Variants in EIF4E3 observed in about 807,000 individuals in gnomAD.
EIF4E3 encodes the protein eukaryotic translation initiation factor 4E family member 3, also known as eukaryotic translation initiation factor 4E type 3.
In EIF4E3, 26 loss-of-function variants were observed where a neutral mutation model predicts 31.7. That is an observed-to-expected ratio of 0.82 (90% confidence interval 0.60 to 1.14). EIF4E3 has a LOEUF of 1.14. Among genes scored for constraint, EIF4E3 ranks in the 50% most tolerant of loss-of-function variants. The pLI, the probability that EIF4E3 is intolerant of heterozygous loss-of-function variation, is 0.00. For synonymous variants in EIF4E3, 128 were observed against 107.7 expected, an observed-to-expected ratio of 1.19 and a Z score of -1.17; for missense variants, 304 against 270.9, an observed-to-expected ratio of 1.12 and a Z score of -0.86.
chr3:71,753,891 G>T (rs1056915762), upstream of EIF4E3, among the ~76,000 whole-genome samples: 1 of 148,390 alleles, frequency 6.7e-6, no homozygotes, highest in African/African-American at 2.4e-5. Flanking sequence ...GCGGCGGCTC[G>T]GGGAGCCCAG....
intron 1 of EIF4E3, among the ~76,000 whole-genome samples, chr3:71,745,086 C>G (rs911161820): frequency 9.2e-5 from 14 of 152,314 alleles, no homozygotes; most frequent in Middle Eastern, 6.8e-3. Context: ...GAGAATCGAA[C>G]CCAAGTCATA....
chr3:71,696,505 A>C lies in EIF4E3; in HGVS notation c.360T>G (p.Asn120Lys), dbSNP rs1264542674. 6.2e-7 allele frequency: 1 copy of C among 1,614,126 alleles called. No homozygotes were observed. The highest frequency in any genetic ancestry group is 8.5e-7 in the Non-Finnish European group (1 of 1,180,022). The change falls in exon 4 of 7, where the codon AAT becomes AAG. Residue 120 changes from asparagine (N) to lysine (K), a missense_variant. By Grantham distance (94) the Asn-to-Lys change is moderately conservative. Coordinates refer to ENST00000425534, the MANE Select transcript of EIF4E3 (RefSeq NM_001134651.2). ...TCATCTTCCATACGCCACCCTTTGC[A>C]TTACTCTCCTCTTCCCTGGGCCAAA... ...ERRPLWEEESNAKGGVWKMKV... is the reference protein window; with the variant it reads ...ERRPLWEEESKAKGGVWKMKV...
chr3:71,724,897 A>G (rs565204779), intron 1 of EIF4E3, among the ~76,000 whole-genome samples: 1 of 152,228 alleles, frequency 6.6e-6, no homozygotes, highest in East Asian at 1.9e-4. Context: ...CCCTGCCAGC[A>G]CGCCGCGTTC....
Position 71,734,248 on chromosome 3 carries a change from G to A in EIF4E3, c.-290-5625C>T, listed in dbSNP as rs146560382. Among the ~76,000 whole-genome samples the A allele has an allele frequency of 1.1e-3, 160 of 152,312 alleles. 2 individuals carry two copies. In the East Asian group the frequency reaches 0.024, roughly 23 times the overall value. ...ATTACAAAAGAGGAGCTCTCATGGA[G>A]GCTATGATGAACATGGTATCCCTCA... On this transcript the variant is annotated intron_variant, in intron 1 of 7. Coordinates refer to the EIF4E3 transcript ENST00000295612.
intron 1 of EIF4E3, among the ~76,000 whole-genome samples, chr3:71,752,380 T>C (rs1267647479): frequency 6.6e-6 from 1 of 152,186 alleles, no homozygotes; most frequent in Non-Finnish European, 1.5e-5. Context: ...CACCTAGTCA[T>C]GTCGCTCCCC....
At chr3:71,702,900 C>T (rs2049238099) in intron 2 of EIF4E3, among the ~76,000 whole-genome samples, 1 of 152,146 alleles carries the variant, frequency 6.6e-6, no homozygotes, top group Admixed American at 6.5e-5. Context: ...GAAAGGTCTG[C>T]TACAGCGGAA....
intron 5 of EIF4E3, among the ~76,000 whole-genome samples, chr3:71,693,654 A>G (rs2049093661): frequency 6.6e-6 from 1 of 152,244 alleles, no homozygotes; most frequent in South Asian, 2.1e-4. Context: ...ACATACATAT[A>G]TAAATATGCA....
intron 1 of EIF4E3, among the ~76,000 whole-genome samples, chr3:71,743,037 C>A (rs2049835444): frequency 6.6e-6 from 1 of 152,160 alleles, no homozygotes; most frequent in African/African-American, 2.4e-5. Context: ...TAGCTAACAT[C>A]ACGCTTAATG....
chr3:71,665,246 T>G, the EIF4E3 span, among the ~76,000 whole-genome samples: 1 of 152,192 alleles, frequency 6.6e-6, no homozygotes, highest in Non-Finnish European at 1.5e-5. Flanking sequence ...GCTCTGAAAA[T>G]ACTTTAGTAC....
At chr3:71,667,453 G>C in the EIF4E3 span, among the ~76,000 whole-genome samples, 1 of 152,176 alleles carries the variant, frequency 6.6e-6, no homozygotes, top group Admixed American at 6.5e-5. Context: ...AAGAGAAGAA[G>C]TCAAATTATC....
intron 1 of EIF4E3, among the ~76,000 whole-genome samples, chr3:71,723,066 C>T (rs1280120694): frequency 6.6e-6 from 1 of 152,138 alleles, no homozygotes; most frequent in African/African-American, 2.4e-5. Context: ...TAGCAAGAGG[C>T]CTTTGCATGC....
intron 6 of EIF4E3, among the ~76,000 whole-genome samples, chr3:71,686,145 C>T (rs1034811141): frequency 1.3e-5 from 2 of 152,054 alleles, no homozygotes; most frequent in Admixed American, 1.3e-4. Flanking sequence ...GCCACCATGC[C>T]CGGCTAACTT....
chr3:71,679,282 A>G lies in EIF4E3; in HGVS notation c.*5400T>C, dbSNP rs544294143. The G allele has an allele frequency of 2.0e-5, 3 of 152,216 alleles. No homozygotes were observed. The highest frequency in any genetic ancestry group is 2.9e-5 in the Non-Finnish European group (2 of 68,028). 9.4% of individuals were successfully genotyped at this position (152,216 alleles called of 1,614,324 possible). A position where few individuals can be genotyped will look rare whatever the true frequency, so the allele number is the denominator to read the frequency against. On this transcript the variant is annotated 3_prime_UTR_variant, in exon 7 of 7. Coordinates refer to ENST00000425534, the MANE Select transcript of EIF4E3 (RefSeq NM_001134651.2). ...TTCTATAGAAAACTCAGAAACACTC[A>G]ATTTACTTCATGTTCAGTTCTATAA...
chr3:71,742,972 A>G (rs935501032), intron 1 of EIF4E3, among the ~76,000 whole-genome samples: 4 of 152,182 alleles, frequency 2.6e-5, no homozygotes, highest in African/African-American at 9.6e-5. Flanking sequence ...AAAACCTCTC[A>G]GCAAAGTAGG....
intron 1 of EIF4E3, among the ~76,000 whole-genome samples, chr3:71,750,747 C>T (rs2049918528): frequency 6.6e-6 from 1 of 150,702 alleles, no homozygotes; most frequent in African/African-American, 2.4e-5. Flanking sequence ...TAGGGAGACC[C>T]CATCTCTACA....
At chr3:71,674,114 T>C (rs1359656918), downstream of EIF4E3, among the ~76,000 whole-genome samples, 18 of 131,824 alleles carry the variant, frequency 1.4e-4, no homozygotes, top group East Asian at 3.2e-3. Context: ...TTTTTTTTTT[T>C]TTTTTTTTTT....
intron 6 of EIF4E3, among the ~76,000 whole-genome samples, chr3:71,689,368 T>C (rs1209176536): frequency 6.6e-6 from 1 of 152,206 alleles, no homozygotes; most frequent in African/African-American, 2.4e-5. Context: ...TTAATAGCAC[T>C]AAGATGTTTT....
At chr3:71,728,411 C>T (rs1303392399), upstream of EIF4E3, 1 of 152,600 alleles carries the variant, frequency 6.6e-6, no homozygotes, top group Non-Finnish European at 1.5e-5. Context: ...ATTCAGCGAT[C>T]ATCTAAGCAA....
At chr3:71,732,110 G>A (rs550050439) in intron 1 of EIF4E3, among the ~76,000 whole-genome samples, 20 of 152,160 alleles carry the variant, frequency 1.3e-4, no homozygotes, top group South Asian at 6.2e-4. Context: ...TTCCTAGCAC[G>A]GTGTCTGGCA....
Sources: gnomAD v4.1 joint callset for allele counts (sites outside exome capture counted in the v4.1 genomes callset) on GRCh38, gnomAD v4.1.1 for gene constraint, MANE v1.5 for transcripts, NCBI Gene and HGNC (gene_info 2026-07-23, HGNC 2026-07-21) for gene names.